KCNA6: variants seen among roughly 807,000 people sequenced by gnomAD.
KCNA6 encodes potassium voltage-gated channel subfamily A member 6, also known as human brain potassium channel-2.
Under a neutral mutation model 29.5 loss-of-function variants are expected in KCNA6, and 17 were observed. That is an observed-to-expected ratio of 0.58 (90% CI 0.39 to 0.86). The LOEUF is 0.86. KCNA6 is among the 40% of genes least tolerant of loss of function. The probability of loss-of-function intolerance (pLI) is 0.00; values close to 1 mark genes in which losing one functional copy is unlikely to be tolerated. For synonymous variants in KCNA6, 296 were observed against 304.7 expected (o/e 0.97, Z 0.30); for missense variants, 450 against 703.4 (o/e 0.64, Z 4.07).
chr12:4,831,100 C>T, the KCNA6 span, among the ~76,000 whole-genome samples: 1 of 152,204 alleles, frequency 6.6e-6, no homozygotes, highest in Non-Finnish European at 1.5e-5. Flanking sequence ...CGCTGTGCCT[C>T]CTCCTCTTAT....
Position 4,810,920 on chromosome 12 carries a change from G to A in KCNA6, c.879G>A (p.Arg293=). 1.2e-6 allele frequency: 2 copies of A among 1,614,218 alleles called. No individual in the cohort carries two copies. The highest frequency in any genetic ancestry group is 1.1e-5 in the South Asian group (1 of 91,084). Residue 293 remains arginine, a synonymous_variant, in exon 1 of 1, where the codon CGG becomes CGA. Coordinates refer to ENST00000280684, the Ensembl canonical transcript of KCNA6. This position sits in a 1 kb window ranked among gnomAD's most constrained non-coding sequence, Gnocchi z 7.5. ...GCCCTAGCAAGCCGGCCTTCTTCCG[G>A]AACATCATGAACATCATTGACTTGG...
At chr12:4,842,012 CGTGTGTGTGT>C in the KCNA6 span, among the ~76,000 whole-genome samples, 5,914 of 124,944 alleles carry the variant, frequency 0.047, 121 homozygotes, top group Non-Finnish European at 0.062. Flanking sequence ...ATGGAGCTTA[CGTGTGTGTGT>C]GTGTGTGTGT....
chr12:4,843,843 A>G, the KCNA6 span, among the ~76,000 whole-genome samples: 5,072 of 152,254 alleles, frequency 0.033, 141 homozygotes, highest in African/African-American at 0.068. Context: ...GTGCCAAACC[A>G]TTCATGAGAA....
At chr12:4,809,799 G>A (rs1393304551) in exon 1 of KCNA6, 4 of 461,264 alleles carry the variant, frequency 8.7e-6, no homozygotes, top group Non-Finnish European at 1.5e-5. Flanking sequence ...TAGCACCCGG[G>A]CGCGGGTAAC....
chr12:4,812,181 T>C (rs1946639049), exon 1 of KCNA6: 3 of 168,690 alleles, frequency 1.8e-5, no homozygotes, highest in Admixed American at 1.3e-4. Flanking sequence ...TTTATTTGCA[T>C]AGCCTCAAAA....
the KCNA6 span, among the ~76,000 whole-genome samples, chr12:4,826,657 T>G: frequency 6.6e-6 from 1 of 152,234 alleles, no homozygotes; most frequent in African/African-American, 2.4e-5. Flanking sequence ...AGTGAGGTCA[T>G]TGGATTCAAC....
chr12:4,849,923 G>C, the KCNA6 span, among the ~76,000 whole-genome samples: 1 of 152,220 alleles, frequency 6.6e-6, no homozygotes, highest in African/African-American at 2.4e-5. Flanking sequence ...GCTTGCCCTT[G>C]GAGTGCTTTG....
the KCNA6 span, among the ~76,000 whole-genome samples, chr12:4,848,294 G>C: frequency 6.6e-6 from 1 of 152,102 alleles, no homozygotes; most frequent in African/African-American, 2.4e-5. Context: ...GTTCCTGGGG[G>C]TAAATCAGGT....
chr12:4,811,219 C>G lies in KCNA6; in HGVS notation c.1178C>G (p.Ala393Gly), dbSNP rs922001083. The G allele has an allele frequency of 6.2e-7, 1 of 1,614,250 alleles. No homozygotes were observed. The highest frequency in any genetic ancestry group is 1.1e-5 in the South Asian group (1 of 91,084). ...ATCGGGGTCATCCTCTTCTCCAGTG[C>G]CGTCTACTTCGCAGAGGCTGACGAT... is the stretch of plus-strand genomic sequence containing the variant. Residue 393 changes from alanine (A) to glycine (G), a missense_variant, in exon 1 of 1, where the codon GCC becomes GGC. Transcript: ENST00000280684. The surrounding 1 kb of genome is among the most constrained non-coding windows in gnomAD (Gnocchi z 7.1).
At chr12:4,830,920 CT>C in the KCNA6 span, among the ~76,000 whole-genome samples, 1 of 152,206 alleles carries the variant, frequency 6.6e-6, no homozygotes, top group South Asian at 2.1e-4. Context: ...AAGCCACCCC[CT>C]AGCAGACTTT....
chr12:4,839,087 G>C, the KCNA6 span: 2 of 152,196 alleles, frequency 1.3e-5, no homozygotes, highest in Non-Finnish European at 2.9e-5. Context: ...GGCAAACTCT[G>C]CTTATGCATA....
At chr12:4,834,535 G>T in the KCNA6 span, among the ~76,000 whole-genome samples, 1 of 152,194 alleles carries the variant, frequency 6.6e-6, no homozygotes, top group African/African-American at 2.4e-5. Context: ...AATGGTAGAA[G>T]CGGGGGCTTG....
the KCNA6 span, among the ~76,000 whole-genome samples, chr12:4,829,522 A>G: frequency 6.6e-6 from 1 of 152,152 alleles, no homozygotes; most frequent in Non-Finnish European, 1.5e-5. Context: ...TTTTTAAAAA[A>G]CATGTGCTCT....
At chr12:4,827,220 C>CCTTCCTTCCTTCCTTA in the KCNA6 span, among the ~76,000 whole-genome samples, 1 of 146,120 alleles carries the variant, frequency 6.8e-6, no homozygotes, top group South Asian at 2.2e-4. Flanking sequence ...TTCCTTCCTT[C>CCTTCCTTCCTTCCTTA]CTTCCTTCCT....
the KCNA6 span, among the ~76,000 whole-genome samples, chr12:4,820,685 TC>T: frequency 6.6e-6 from 1 of 151,976 alleles, no homozygotes; most frequent in Non-Finnish European, 1.5e-5. Flanking sequence ...CTTTTATCTT[TC>T]CCTCCCCTGA....
In KCNA6 at chr12:4,811,495, C is replaced by G; in HGVS notation, c.1454C>G (p.Pro485Arg). The change falls in exon 1 of 1, where the codon CCT becomes CGT. Residue 485 changes from proline to arginine, a missense_variant. Physicochemically the swap from Pro to Arg is moderately radical, Grantham distance 103 (BLOSUM62 -2). Transcript: ENST00000280684. This position sits in a 1 kb window ranked among gnomAD's most constrained non-coding sequence, Gnocchi z 7.1. ...TATACCCACGTCACTTGTGGGCAGCCTGCGCCGGACCTGAGGGCAACTGAC... is the reference window on the plus strand; with the variant it reads ...TATACCCACGTCACTTGTGGGCAGCGTGCGCCGGACCTGAGGGCAACTGAC... 4.3e-6 allele frequency: 7 copies of G among 1,614,220 alleles called. No individual in the cohort carries two copies. The highest frequency in any genetic ancestry group is 5.9e-6 in the Non-Finnish European group (7 of 1,180,040).
chr12:4,848,650 T>C, the KCNA6 span, among the ~76,000 whole-genome samples: 1 of 152,078 alleles, frequency 6.6e-6, no homozygotes, highest in Non-Finnish European at 1.5e-5. Context: ...TTCTCCTGCT[T>C]CGGCCTGCCG....
the KCNA6 span, among the ~76,000 whole-genome samples, chr12:4,835,373 A>G: frequency 6.6e-6 from 1 of 152,030 alleles, no homozygotes; most frequent in East Asian, 1.9e-4. Context: ...TGACCTTGTG[A>G]TCCGCCCGCC....
chr12:4,841,706 T>G, the KCNA6 span, among the ~76,000 whole-genome samples: 2 of 152,202 alleles, frequency 1.3e-5, no homozygotes, highest in Non-Finnish European at 2.9e-5. Flanking sequence ...GTCAGTCAAT[T>G]TCCATTTCCA....
Sources: gnomAD v4.1 joint callset for allele counts (sites outside exome capture counted in the v4.1 genomes callset) on GRCh38, gnomAD v4.1.1 for gene constraint, Gnocchi (gnomAD v3.1) non-coding constraint, MANE v1.5 for transcripts, NCBI Gene and HGNC (gene_info 2026-07-23, HGNC 2026-07-21) for gene names.